TMEM163: variants seen among roughly 807,000 people sequenced by gnomAD.
TMEM163 encodes the protein transmembrane protein 163.
A neutral mutation model predicts 29.3 loss-of-function variants in TMEM163; 17 were observed. That is an observed-to-expected ratio of 0.58 (90% CI 0.40 to 0.87). The LOEUF (loss-of-function observed/expected upper bound fraction) is 0.87. Ranked by LOEUF, TMEM163 falls within the 40% of genes least tolerant of loss-of-function variation. TMEM163 has a pLI of 0.00. For missense variants in TMEM163, 303 were observed against 381.5 expected (o/e 0.79, Z 1.71); for synonymous variants, 157 against 160.6 (o/e 0.98, Z 0.17).
chr2:134,546,951 C>T (rs1424463036), intron 4 of TMEM163, among the ~76,000 whole-genome samples: 3 of 152,086 alleles, frequency 2.0e-5, no homozygotes, highest in Non-Finnish European at 4.4e-5. Flanking sequence ...AAGACAAATA[C>T]TGTATAATTT....
At chr2:134,491,271 C>T (rs995725564) in intron 5 of TMEM163, among the ~76,000 whole-genome samples, 5 of 152,148 alleles carry the variant, frequency 3.3e-5, no homozygotes, top group African/African-American at 7.2e-5. Context: ...GAGAGATGAG[C>T]GTGTCTCCCT....
intron 2 of TMEM163, among the ~76,000 whole-genome samples, chr2:134,602,993 G>A (rs768083416): frequency 1.3e-5 from 2 of 152,024 alleles, no homozygotes; most frequent in African/African-American, 4.8e-5. Context: ...GGGTATAGGC[G>A]CTGTCAAGTT....
chr2:134,598,671 T>C (rs1449668477), intron 2 of TMEM163, among the ~76,000 whole-genome samples: 1 of 152,134 alleles, frequency 6.6e-6, no homozygotes, highest in East Asian at 1.9e-4. Flanking sequence ...CCCAGCACTT[T>C]GGGAGGCCAA....
At chr2:134,619,131 T>C (rs1056401086) in intron 2 of TMEM163, among the ~76,000 whole-genome samples, 2 of 152,136 alleles carry the variant, frequency 1.3e-5, no homozygotes, top group African/African-American at 4.8e-5. Context: ...AATTTATCCA[T>C]AAAGAAAAAT....
chr2:134,490,942 TCA>T (rs1231401909), intron 5 of TMEM163, among the ~76,000 whole-genome samples: 1 of 152,196 alleles, frequency 6.6e-6, no homozygotes, highest in African/African-American at 2.4e-5. Context: ...GTTATGAGGA[TCA>T]TGTTGTTCAT....
chr2:134,499,004 C>T (rs72853945), intron 5 of TMEM163, among the ~76,000 whole-genome samples: 20,217 of 152,228 alleles, frequency 0.13, 1,682 homozygotes, highest in Middle Eastern at 0.3. Context: ...CCTGGGTCCT[C>T]GAGCAAAGGA....
At chr2:134,480,901 A>G (rs1687037504) in intron 5 of TMEM163, among the ~76,000 whole-genome samples, 1 of 152,216 alleles carries the variant, frequency 6.6e-6, no homozygotes, top group Non-Finnish European at 1.5e-5. Context: ...TAAATGTTGA[A>G]TTTGATAAAT....
intron 2 of TMEM163, among the ~76,000 whole-genome samples, chr2:134,651,371 G>A (rs1434498640): frequency 2.1e-5 from 3 of 139,898 alleles, no homozygotes; most frequent in African/African-American, 3.0e-5. Context: ...CATGTCCTTC[G>A]CCCACTTTTT....
intron 2 of TMEM163, among the ~76,000 whole-genome samples, chr2:134,641,637 G>A (rs1267723245): frequency 6.6e-6 from 1 of 151,832 alleles, no homozygotes; most frequent in Non-Finnish European, 1.5e-5. Context: ...AAATTAAAAT[G>A]GAACGCTAAA....
chr2:134,634,321 G>A (rs900694939), intron 2 of TMEM163, among the ~76,000 whole-genome samples: 3 of 152,112 alleles, frequency 2.0e-5, no homozygotes, highest in African/African-American at 7.2e-5. Flanking sequence ...CAAGGGACAA[G>A]TTACAAAGCT....
At chr2:134,673,629 A>G (rs1684042717) in intron 2 of TMEM163, among the ~76,000 whole-genome samples, 1 of 152,232 alleles carries the variant, frequency 6.6e-6, no homozygotes, top group Admixed American at 6.5e-5. Context: ...CTTATAAGGG[A>G]AACAGCAAGG....
At chr2:134,565,435 G>A (rs993385517) in intron 2 of TMEM163, among the ~76,000 whole-genome samples, 5 of 151,738 alleles carry the variant, frequency 3.3e-5, no homozygotes, top group Non-Finnish European at 7.4e-5. Context: ...GTGAAACCTC[G>A]TCTCTACTGA....
intron 2 of TMEM163, among the ~76,000 whole-genome samples, chr2:134,619,719 T>C (rs146459746): frequency 1.5e-3 from 235 of 152,244 alleles, no homozygotes; most frequent in Middle Eastern, 3.4e-3. Flanking sequence ...GCCAATGTAA[T>C]ATGGTAAGCA....
chr2:134,624,006 G>A (rs1574288983), intron 2 of TMEM163, among the ~76,000 whole-genome samples: 2 of 152,120 alleles, frequency 1.3e-5, no homozygotes, highest in South Asian at 2.1e-4. Context: ...GAAACCTTCC[G>A]CCCCAGAACT....
intron 2 of TMEM163, among the ~76,000 whole-genome samples, chr2:134,662,798 TG>T (rs1486532791): frequency 6.6e-6 from 1 of 152,192 alleles, no homozygotes; most frequent in Non-Finnish European, 1.5e-5. Context: ...TTCATATCTC[TG>T]GGTACCTAAT....
intron 2 of TMEM163, among the ~76,000 whole-genome samples, chr2:134,575,702 C>T (rs1038502783): frequency 4.6e-5 from 7 of 152,212 alleles, no homozygotes; most frequent in Non-Finnish European, 7.3e-5. Flanking sequence ...TAAGAGAGTG[C>T]AATTCCTAAA....
chr2:134,717,869 G>C (rs1198682517), intron 1 of TMEM163, among the ~76,000 whole-genome samples: 2 of 152,212 alleles, frequency 1.3e-5, no homozygotes, highest in African/African-American at 2.4e-5. Context: ...GGAAGGGATG[G>C]AGAAGAGAGA....
intron 1 of TMEM163, 41 bp from the exon 2 acceptor site, chr2:134,713,360 A>G: frequency 6.2e-7 from 1 of 1,610,644 alleles, no homozygotes; most frequent in Non-Finnish European, 8.5e-7. Flanking sequence ...ACATTTCCTT[A>G]CTAAGAAACC....
chr2:134,462,506 C>T (rs151083923), intron 6 of TMEM163, among the ~76,000 whole-genome samples: 92 of 152,310 alleles, frequency 6.0e-4, no homozygotes, highest in Middle Eastern at 3.4e-3. Context: ...GGACTCCCTC[C>T]GCCTGAAGGA....
Sources: gnomAD v4.1 joint callset for allele counts (sites outside exome capture counted in the v4.1 genomes callset) on GRCh38, gnomAD v4.1.1 for gene constraint, MANE v1.5 for transcripts, NCBI Gene and HGNC (gene_info 2026-07-23, HGNC 2026-07-21) for gene names.